Variants in CTNNA2 observed in about 807,000 individuals in gnomAD.
CTNNA2 encodes the protein catenin alpha-2.
Under a neutral mutation model 101.0 loss-of-function variants are expected in CTNNA2, and 42 were observed. That is an observed-to-expected ratio of 0.42 (90% confidence interval 0.32 to 0.54). The LOEUF (loss-of-function observed/expected upper bound fraction) is 0.54, where lower values mean the gene tolerates loss of function less well. CTNNA2 is among the 20% of genes least tolerant of loss of function. The probability of loss-of-function intolerance (pLI) is 0.14; values close to 1 mark genes in which losing one functional copy is unlikely to be tolerated. For missense variants in CTNNA2, 871 were observed against 1,223.1 expected (o/e 0.71, Z 4.29); for synonymous variants, 450 against 456.4 (o/e 0.99, Z 0.18).
intron 7 of CTNNA2, among the ~76,000 whole-genome samples, chr2:80,359,080 A>C (rs1304156436): frequency 6.6e-6 from 1 of 152,102 alleles, no homozygotes; most frequent in Non-Finnish European, 1.5e-5. Flanking sequence ...AAAACAAAAA[A>C]AACCTTTTTA....
chr2:80,588,241 G>A (rs532919339), intron 14 of CTNNA2, among the ~76,000 whole-genome samples: 2 of 152,238 alleles, frequency 1.3e-5, no homozygotes, highest in South Asian at 2.1e-4. Flanking sequence ...TCTCGTGCTC[G>A]GGGACACTAG....
At chr2:80,262,390 A>G (rs1172665571) in intron 7 of CTNNA2, among the ~76,000 whole-genome samples, 1 of 152,204 alleles carries the variant, frequency 6.6e-6, no homozygotes, top group Admixed American at 6.5e-5. Context: ...CCAGGATTTC[A>G]TTATTGCAAC....
At chr2:79,657,931 T>C (rs907950569) in intron 2 of CTNNA2, among the ~76,000 whole-genome samples, 8 of 151,866 alleles carry the variant, frequency 5.3e-5, no homozygotes, top group African/African-American at 1.9e-4. Context: ...ACGTAAATTT[T>C]GGAAAAGGAC....
intron 3 of CTNNA2, among the ~76,000 whole-genome samples, chr2:79,335,025 C>A (rs1181966106): frequency 6.6e-6 from 1 of 152,162 alleles, no homozygotes; most frequent in African/African-American, 2.4e-5. Context: ...TCAACCCACA[C>A]CCATTCAGGA....
intron 9 of CTNNA2, among the ~76,000 whole-genome samples, chr2:80,503,658 T>C (rs1688047731): frequency 6.6e-6 from 1 of 152,112 alleles, no homozygotes; most frequent in African/African-American, 2.4e-5. Flanking sequence ...GCTTGATTAA[T>C]ATTGTTTAGA....
intron 5 of CTNNA2, among the ~76,000 whole-genome samples, chr2:79,872,485 G>A (rs942776680): frequency 5.9e-5 from 9 of 151,972 alleles, no homozygotes; most frequent in African/African-American, 2.2e-4. Context: ...CCTACCTCTC[G>A]TGCCCAAATC....
At chr2:79,316,366 T>C (rs1437698652) in intron 3 of CTNNA2, among the ~76,000 whole-genome samples, 1 of 152,132 alleles carries the variant, frequency 6.6e-6, no homozygotes, top group South Asian at 2.1e-4. Flanking sequence ...CTGGAAGGAG[T>C]GAGTCCTCCA....
At chr2:79,285,139 A>G (rs1675528943) in intron 2 of CTNNA2, among the ~76,000 whole-genome samples, 1 of 150,752 alleles carries the variant, frequency 6.6e-6, no homozygotes, top group African/African-American at 2.4e-5. Context: ...TGTCTATTTG[A>G]TTCTTTTTTT....
At chr2:79,376,857 T>G (rs11126715) in intron 4 of CTNNA2, among the ~76,000 whole-genome samples, 114,883 of 152,070 alleles carry the variant, frequency 0.76, 43,619 homozygotes, top group South Asian at 0.83. Flanking sequence ...GGTGTATATG[T>G]GCCACATTTT....
intron 9 of CTNNA2, among the ~76,000 whole-genome samples, chr2:80,493,967 G>A (rs183761186): frequency 1.5e-3 from 227 of 152,284 alleles, no homozygotes; most frequent in Non-Finnish European, 2.6e-3. Context: ...GGAATGGTAC[G>A]TACGTAGCAG....
At chr2:80,202,564 T>A (rs922197567) in intron 7 of CTNNA2, among the ~76,000 whole-genome samples, 1 of 152,196 alleles carries the variant, frequency 6.6e-6, no homozygotes, top group Non-Finnish European at 1.5e-5. Context: ...TGACTTCCCT[T>A]TCATCTCTTT....
intron 17 of CTNNA2, among the ~76,000 whole-genome samples, chr2:80,613,703 A>G (rs2149793412): frequency 6.6e-6 from 1 of 151,638 alleles, no homozygotes; most frequent in South Asian, 2.1e-4. Context: ...GCATAGGGAA[A>G]TACTATGTTC....
intron 7 of CTNNA2, among the ~76,000 whole-genome samples, chr2:80,145,056 A>C (rs2148916952): frequency 6.6e-6 from 1 of 152,316 alleles, no homozygotes; most frequent in African/African-American, 2.4e-5. Flanking sequence ...GCTCTCTGTC[A>C]ATCACGGTTC....
At chr2:79,285,728 C>A (rs1270044637) in intron 2 of CTNNA2, among the ~76,000 whole-genome samples, 1 of 137,576 alleles carries the variant, frequency 7.3e-6, no homozygotes, top group Non-Finnish European at 1.5e-5. Flanking sequence ...AATGTATATT[C>A]TGTTGATTTG....
Position 79,495,589 on chromosome 2 carries a change from A to G in CTNNA2, c.-134-9465A>G, listed in dbSNP as rs114117494. ...CCTTAAAATAATAAGCAGAGTTACCACGTGACCAGGCAATTCCACTCTTAG... is the reference window on the plus strand; with the variant it reads ...CCTTAAAATAATAAGCAGAGTTACCGCGTGACCAGGCAATTCCACTCTTAG... On this transcript the variant is annotated intron_variant, in intron 4 of 21. Transcript: ENST00000466387. Among the ~76,000 whole-genome samples, 528 of 152,338 alleles carry G rather than the reference A, an allele frequency of 3.5e-3. 2 individuals are homozygous for G. The highest frequency in any genetic ancestry group is 9.5e-3 in the African/African-American group (396 of 41,584).
chr2:79,676,547 T>TGATC (rs1214752199), intron 2 of CTNNA2, among the ~76,000 whole-genome samples: 1 of 152,094 alleles, frequency 6.6e-6, no homozygotes, highest in Non-Finnish European at 1.5e-5. Flanking sequence ...CATGCCTAGG[T>TGATC]GATCGGCTCT....
chr2:80,291,149 T>C (rs1402349707), intron 7 of CTNNA2, among the ~76,000 whole-genome samples: 3 of 152,208 alleles, frequency 2.0e-5, no homozygotes, highest in Non-Finnish European at 4.4e-5. Context: ...CCAAAGATAG[T>C]TTTTCCTCGT....
intron 7 of CTNNA2, among the ~76,000 whole-genome samples, chr2:79,914,954 C>G (rs1278453049): frequency 6.6e-6 from 1 of 151,568 alleles, no homozygotes; most frequent in Non-Finnish European, 1.5e-5. Flanking sequence ...TAGAATTTAA[C>G]ATAAAGTGGG....
intron 7 of CTNNA2, among the ~76,000 whole-genome samples, chr2:80,282,122 G>A (rs1674430824): frequency 6.6e-6 from 1 of 152,052 alleles, no homozygotes; most frequent in Non-Finnish European, 1.5e-5. Flanking sequence ...CTAGTGATAG[G>A]TCACAGGGAA....
Sources: gnomAD v4.1 joint callset for allele counts (sites outside exome capture counted in the v4.1 genomes callset) on GRCh38, gnomAD v4.1.1 for gene constraint, MANE v1.5 for transcripts, NCBI Gene and HGNC (gene_info 2026-07-23, HGNC 2026-07-21) for gene names.